Variants in ATXN1 observed in about 807,000 individuals in gnomAD.
ATXN1 encodes the protein ataxin-1.
A neutral mutation model predicts 56.4 loss-of-function variants in ATXN1; 8 were observed. The ratio of observed to expected loss-of-function variants is 0.14; its 90% CI spans 0.08 to 0.26. The LOEUF (loss-of-function observed/expected upper bound fraction) is 0.26, where lower values mean the gene tolerates loss of function less well. Among genes scored for constraint, ATXN1 ranks in the 10% least tolerant of loss-of-function variants. The pLI is 1.00. For synonymous variants in ATXN1, 514 were observed against 494.6 expected (o/e 1.04, Z -0.52); for missense variants, 987 against 1,106.5 (o/e 0.89, Z 1.53).
rs1760112022 is a variant in ATXN1 at position 16,301,891 on chromosome 6, T to C, written c.*4438A>G. On this transcript the variant is annotated 3_prime_UTR_variant, in exon 8 of 8. Transcript: ENST00000436367. ...GAGATTTTTCTCTCTATGAAAGAAA[T>C]AGGTTTCCTTAGTAGTCACAGATGT... The C allele has an allele frequency of 6.5e-6, 1 of 152,734 alleles. No homozygotes were observed. Among genetic ancestry groups the C allele is most frequent in the Non-Finnish European group, 1.5e-5 (1 of 68,066 alleles). 9.5% of individuals were successfully genotyped at this position (152,734 alleles called of 1,614,324 possible). A position where few individuals can be genotyped will look rare whatever the true frequency, so the allele number is the denominator to read the frequency against.
chr6:16,498,713 T>C (rs887869478), intron 5 of ATXN1, among the ~76,000 whole-genome samples: 1 of 152,244 alleles, frequency 6.6e-6, no homozygotes, highest in African/African-American at 2.4e-5. Flanking sequence ...TAAAGTGGTA[T>C]CTCATTGTGG....
chr6:16,436,047 G>A (rs928741299), intron 6 of ATXN1, among the ~76,000 whole-genome samples: 1 of 152,058 alleles, frequency 6.6e-6, no homozygotes, highest in African/African-American at 2.4e-5. Flanking sequence ...ACAGGCGCCT[G>A]CCACCACAAC....
At chr6:16,392,098 C>A (rs1159698389) in intron 6 of ATXN1, among the ~76,000 whole-genome samples, 1 of 152,220 alleles carries the variant, frequency 6.6e-6, no homozygotes, top group African/African-American at 2.4e-5. Flanking sequence ...CAGAGGTGGT[C>A]AAGAACATGC....
chr6:16,738,735 T>C (rs1215904393), intron 2 of ATXN1: 1 of 152,246 alleles, frequency 6.6e-6, no homozygotes, highest in Non-Finnish European at 1.5e-5. Context: ...GTTGTAACAC[T>C]AGCCACTGTG....
intron 4 of ATXN1, among the ~76,000 whole-genome samples, chr6:16,559,974 C>A (rs1487213548): frequency 6.6e-6 from 1 of 152,080 alleles, no homozygotes; most frequent in Non-Finnish European, 1.5e-5. Flanking sequence ...GCACCGCCTC[C>A]CCACCCCACC....
At chr6:16,652,288 C>T (rs2143067) in intron 3 of ATXN1, among the ~76,000 whole-genome samples, 31,431 of 152,142 alleles carry the variant, frequency 0.21, 3,823 homozygotes, top group Non-Finnish European at 0.28. Flanking sequence ...ACTGGACTGG[C>T]GCTTTTCCTA....
Position 16,484,947 on chromosome 6 carries a change from A to ATGTGTGTGTG in ATXN1, c.-161+1015_-161+1024dup, listed in dbSNP as rs35749735. Reference sequence around the variant, plus strand: ...TAAGAAGCTGGAAACCTAAATATATATGTGTGTGTGTGTGTGTGTGTGTGT... The same window carrying ATGTGTGTGTG: ...TAAGAAGCTGGAAACCTAAATATATATGTGTGTGTGTGTGTGTGTGTGTGTGTGTGTGTGT... On this transcript the variant is annotated intron_variant, in intron 6 of 7. Transcript: ENST00000436367. 4.4e-4 allele frequency among the ~76,000 whole-genome samples: 56 copies of ATGTGTGTGTG among 126,044 alleles called. 1 individual carries two copies. Among genetic ancestry groups the ATGTGTGTGTG allele is most frequent in the East Asian group, 2.3e-3 (10 of 4,352 alleles). The allele number at this position is 126,044 out of a possible 152,430, so 82.7% of individuals were successfully genotyped here.
chr6:16,589,794 C>G (rs1678514414), intron 3 of ATXN1, among the ~76,000 whole-genome samples: 1 of 152,078 alleles, frequency 6.6e-6, no homozygotes, highest in African/African-American at 2.4e-5. Context: ...CAGTATCTTT[C>G]ATATTAAAGC....
Position 16,706,507 on chromosome 6 carries a change from G to A in ATXN1, c.-615+46726C>T, listed in dbSNP as rs556151817. On this transcript the variant is annotated intron_variant, in intron 2 of 7. Coordinates refer to ENST00000436367, the MANE Select transcript of ATXN1 (RefSeq NM_001128164.2). Reference sequence around the variant, plus strand: ...TGGGAGGCCGAGGCAAGTGGATCACGAGGTCAGGAGTTCAAGACCATCCTG... The same window carrying A: ...TGGGAGGCCGAGGCAAGTGGATCACAAGGTCAGGAGTTCAAGACCATCCTG... Among the ~76,000 whole-genome samples the A allele has an allele frequency of 2.3e-4, 35 of 152,176 alleles. No individual in the cohort carries two copies. The East Asian group carries it at 4.8e-3, about 21-fold the overall frequency.
intron 3 of ATXN1, among the ~76,000 whole-genome samples, chr6:16,624,345 T>C (rs959741293): frequency 1.5e-5 from 2 of 135,192 alleles, no homozygotes. Context: ...GAGCGAGACT[T>C]TGTCTCAAGA....
At chr6:16,720,612 G>T (rs1759727441) in intron 2 of ATXN1, among the ~76,000 whole-genome samples, 2 of 152,244 alleles carry the variant, frequency 1.3e-5, no homozygotes, top group East Asian at 1.9e-4. Flanking sequence ...TATTATTTTT[G>T]AAAATATCTG....
At chr6:16,632,667 G>GAA (rs58059754) in intron 3 of ATXN1, among the ~76,000 whole-genome samples, 1 of 148,188 alleles carries the variant, frequency 6.7e-6, no homozygotes, top group Admixed American at 6.7e-5. Flanking sequence ...GGGGGGTTAA[G>GAA]AAAAAAAAAA....
At chr6:16,729,646 G>A (rs1391744013) in intron 2 of ATXN1, among the ~76,000 whole-genome samples, 1 of 152,200 alleles carries the variant, frequency 6.6e-6, no homozygotes, top group Non-Finnish European at 1.5e-5. Context: ...CAACCCTCAT[G>A]GAGGTCTCTG....
At chr6:16,720,726 G>A (rs1759729500) in intron 2 of ATXN1, among the ~76,000 whole-genome samples, 1 of 152,168 alleles carries the variant, frequency 6.6e-6, no homozygotes, top group African/African-American at 2.4e-5. Flanking sequence ...ATGGTATAAA[G>A]GAGAGGCCTA....
intron 3 of ATXN1, among the ~76,000 whole-genome samples, chr6:16,603,039 T>C (rs955150388): frequency 3.3e-5 from 5 of 152,192 alleles, no homozygotes; most frequent in Admixed American, 2.6e-4. Flanking sequence ...AGGAGCACCA[T>C]ACTTTCTTTC....
chr6:16,354,097 T>C (rs1012541624), intron 6 of ATXN1, among the ~76,000 whole-genome samples: 6 of 152,180 alleles, frequency 3.9e-5, no homozygotes, highest in African/African-American at 1.4e-4. Context: ...ACTCAGAACC[T>C]ATAGGGTCGG....
chr6:16,555,563 T>C (rs567948971), intron 4 of ATXN1, among the ~76,000 whole-genome samples: 35 of 152,202 alleles, frequency 2.3e-4, no homozygotes, highest in African/African-American at 8.2e-4. Flanking sequence ...GAAAATCACA[T>C]AAAAGAAAGT....
At chr6:16,658,640 G>A (rs191527112) in intron 2 of ATXN1, among the ~76,000 whole-genome samples, 308 of 152,282 alleles carry the variant, frequency 2.0e-3, no homozygotes, top group African/African-American at 7.1e-3. Context: ...AGCTTTTAAC[G>A]CTCACTTGTC....
At chr6:16,687,871 A>T (rs2113411990) in intron 2 of ATXN1, among the ~76,000 whole-genome samples, 1 of 152,300 alleles carries the variant, frequency 6.6e-6, no homozygotes, top group East Asian at 1.9e-4. Flanking sequence ...CCAGAAAACT[A>T]AAGGAAACAA....
Sources: gnomAD v4.1 joint callset for allele counts (sites outside exome capture counted in the v4.1 genomes callset) on GRCh38, gnomAD v4.1.1 for gene constraint, MANE v1.5 for transcripts, NCBI Gene and HGNC (gene_info 2026-07-23, HGNC 2026-07-21) for gene names.